CP: variants seen among roughly 807,000 people sequenced by gnomAD.
CP encodes the protein caeruloplasmin.
CP carries 64 observed loss-of-function variants against 122.4 expected under a neutral mutation model. The observed-to-expected ratio is 0.52, with a 90% CI of 0.43 to 0.64. The LOEUF (loss-of-function observed/expected upper bound fraction) is 0.64, where lower values mean the gene tolerates loss of function less well. Among genes scored for constraint, CP ranks in the 30% least tolerant of loss-of-function variants. The probability of loss-of-function intolerance (pLI) is 0.00; values close to 1 mark genes in which losing one functional copy is unlikely to be tolerated. For missense variants in CP, 1,167 were observed against 1,284.4 expected (o/e 0.91, Z 1.40); for synonymous variants, 440 against 436.4 (o/e 1.01, Z -0.10).
chr3:149,199,861 G>T lies in CP; in HGVS notation c.1352C>A (p.Pro451His). 6.2e-7 allele frequency: 1 copy of T among 1,613,990 alleles called. No homozygotes were observed. The highest frequency in any genetic ancestry group is 1.1e-5 in the South Asian group (1 of 91,070). The change falls in exon 8 of 19, where the codon CCT (proline) becomes CAT (histidine). Residue 451 changes from proline (P) to histidine (H), a missense_variant. Coordinates refer to ENST00000264613, the MANE Select transcript of CP (RefSeq NM_000096.4). ...GTCTCCCACCTCTGCCCAAATGACA[G>T]GACCTGGGAACAAAGAGAGAATTAT... ...PEEEHLGILGPVIWAEVGDTI... is the reference protein window; with the variant it reads ...PEEEHLGILGHVIWAEVGDTI...
At chr3:149,210,525 G>A in intron 2 of CP, 146 bp from the exon 3 acceptor site, 1 of 749,522 alleles carries the variant, frequency 1.3e-6, no homozygotes, top group Non-Finnish European at 2.3e-6. Flanking sequence ...TTGGACACAG[G>A]AAAATGAAAG....
chr3:149,187,235 C>T (rs763555252), intron 10 of CP, among the ~76,000 whole-genome samples: 3 of 152,016 alleles, frequency 2.0e-5, no homozygotes, highest in Non-Finnish European at 2.9e-5. Context: ...ATTCTCAATG[C>T]TTCCAAATAT....
chr3:149,184,118 C>T (rs35503313), intron 12 of CP, among the ~76,000 whole-genome samples: 21,362 of 135,608 alleles, frequency 0.16, 2,718 homozygotes, highest in African/African-American at 0.37. Context: ...TCACTGCAAG[C>T]TCTGCCTCCC....
In CP at chr3:149,206,331, G is replaced by C. The variant is rs1031057413; in HGVS notation, c.1045C>G (p.Gln349Glu). The C allele has an allele frequency of 1.2e-6, 2 of 1,613,816 alleles. No homozygotes were observed. The highest frequency in any genetic ancestry group is 1.7e-6 in the Non-Finnish European group (2 of 1,179,764). The change falls in exon 6 of 19, where the codon CAA becomes GAA. Residue 349 changes from glutamine to glutamate, a missense_variant. Physicochemically the swap from Gln to Glu is conservative, Grantham distance 29. This residue lies in a region of CP where 642 missense variants were observed against 627.3 expected (regional missense o/e 1.02). Transcript: ENST00000264613. The stretch of plus-strand genomic sequence containing the variant: ...CACTCCTGGACCTGGAAAAAGGCTT[G>C]CAAACCGGCTGAAATGAAACAGAAA... ...QNLNHLKAGL[Q>E]AFFQVQECNK...
intron 9 of CP, among the ~76,000 whole-genome samples, chr3:149,193,706 T>C (rs1245601239): frequency 6.6e-6 from 1 of 152,256 alleles, no homozygotes; most frequent in African/African-American, 2.4e-5. Flanking sequence ...CCATTCCTTG[T>C]CAGCTTAATA....
chr3:149,209,350 G>A lies in CP; in HGVS notation c.642C>T (p.Asp214=), dbSNP rs761003974. ...CAGAAAACATCACCACAAATTCTCG[G>A]TCAATATGTTTTTCTTTTTCTTTAT... ...SLDKEKEKHI[D]REFVVMFSVV... Residue 214 remains aspartate (D), a synonymous_variant, in exon 4 of 19, where the codon GAC becomes GAT. Transcript: ENST00000264613. 1.8e-5 allele frequency: 29 copies of A among 1,613,468 alleles called. No homozygotes were observed. The highest frequency in any genetic ancestry group is 4.4e-5 in the South Asian group (4 of 91,030).
intron 6 of CP, among the ~76,000 whole-genome samples, chr3:149,203,555 C>T (rs534245116): frequency 9.6e-4 from 147 of 152,340 alleles, no homozygotes; most frequent in Middle Eastern, 3.4e-3. Context: ...TGAGCCACGG[C>T]GCTTGGCCAG....
At position 149,193,006 on chromosome 3, in the gene CP, G is replaced by T. The variant is rs1001175369; in HGVS notation, c.1714-4804C>A. 3.9e-5 allele frequency among the ~76,000 whole-genome samples: 5 copies of T among 127,514 alleles called. No homozygotes were observed. In the Admixed American group the frequency reaches 4.1e-4, roughly 10 times the overall value. The allele number at this position is 127,514 out of a possible 152,430, so 83.7% of individuals were successfully genotyped here. A position where few individuals can be genotyped will look rare whatever the true frequency, so the allele number is the denominator to read the frequency against. On this transcript the variant is annotated intron_variant, in intron 9 of 18. Transcript: ENST00000264613. Reference sequence around the variant, plus strand: ...TACACACACACACACACACACACACGCATACACTCCAGAAAAGAAATTTCT... The same window carrying T: ...TACACACACACACACACACACACACTCATACACTCCAGAAAAGAAATTTCT...
intron 2 of CP, among the ~76,000 whole-genome samples, chr3:149,212,102 G>T (rs898610362): frequency 6.6e-6 from 1 of 151,770 alleles, no homozygotes; most frequent in Non-Finnish European, 1.5e-5. Context: ...GACCATCCTG[G>T]CTAACACGGT....
At chr3:149,194,210 A>G (rs971324258) in intron 9 of CP, among the ~76,000 whole-genome samples, 12 of 151,572 alleles carry the variant, frequency 7.9e-5, no homozygotes, top group African/African-American at 2.7e-4. Flanking sequence ...TTTTTTTTCA[A>G]TTACATATTT....
chr3:149,186,305 C>T (rs1726167768), intron 11 of CP: 1 of 591,060 alleles, frequency 1.7e-6, no homozygotes, highest in Non-Finnish European at 3.0e-6. Flanking sequence ...ACACCATGTT[C>T]TTTTACTCCA....
rs538960390 is a variant in CP, at chr3:149,197,254, G to C, written c.1713+1113C>G. ...TTTGGTGGTCTCTTCACATGGACGCGCATGAAAGTCATACTCTTTCTATAT... is the reference window on the plus strand; with the variant it reads ...TTTGGTGGTCTCTTCACATGGACGCCCATGAAAGTCATACTCTTTCTATAT... On this transcript the variant is annotated intron_variant, in intron 9 of 18. Coordinates refer to ENST00000264613, the MANE Select transcript of CP (RefSeq NM_000096.4). Among the ~76,000 whole-genome samples, 6 of 152,180 alleles carry C rather than the reference G, an allele frequency of 3.9e-5. 1 individual carries two copies. The highest frequency in any genetic ancestry group is 1.3e-4 in the Admixed American group (2 of 15,300).
At chr3:149,171,814 C>T (rs1428851527), downstream of CP, among the ~76,000 whole-genome samples, 2 of 150,758 alleles carry the variant, frequency 1.3e-5, no homozygotes, top group African/African-American at 2.5e-5. Context: ...AAGCAATTCT[C>T]CCGCCTCAGC....
At chr3:149,185,138 G>T in intron 12 of CP, 101 bp downstream of exon 12, 1 of 1,047,614 alleles carries the variant, frequency 9.5e-7, no homozygotes, top group Non-Finnish European at 1.4e-6. Context: ...ATTGTTTAAT[G>T]CAACTTTTTT....
intron 9 of CP, among the ~76,000 whole-genome samples, chr3:149,189,643 C>G (rs75052959): frequency 0.023 from 3,434 of 151,160 alleles, 46 homozygotes; most frequent in Middle Eastern, 0.052. Context: ...GATGAAGTAG[C>G]ATTTATCTTT....
At chr3:149,174,316 C>T (rs1406210737) in intron 18 of CP, among the ~76,000 whole-genome samples, 1 of 152,144 alleles carries the variant, frequency 6.6e-6, no homozygotes, top group Non-Finnish European at 1.5e-5. Flanking sequence ...GTTTTTAAAT[C>T]ATTGTTGCTT....
rs1464657552 is a variant in CP at position 149,198,549 on chromosome 3, G to C, written c.1531C>G (p.Pro511Ala). ...SVPPSASHVA[P>A]TETFTYEWTV... is the part of the protein sequence containing the mutation. ...CATTCATAGGTGAATGTTTCTGTGG[G>C]TGCCACATGGGAGGCTGAAGGAGGC... The change falls in exon 9 of 19, where the codon CCC (proline) becomes GCC (alanine). Residue 511 changes from proline to alanine, a missense_variant. Pro to Ala is a conservative substitution (Grantham distance 27). Transcript: ENST00000264613. 6.2e-7 allele frequency: 1 copy of C among 1,614,044 alleles called. No homozygotes were observed. Among genetic ancestry groups the C allele is most frequent in the Non-Finnish European group, 8.5e-7 (1 of 1,179,962 alleles).
intron 6 of CP, among the ~76,000 whole-genome samples, chr3:149,203,839 C>T (rs115460128): frequency 0.014 from 2,083 of 152,158 alleles, 47 homozygotes; most frequent in African/African-American, 0.046. Flanking sequence ...GGCCATGAAC[C>T]CATCAATATA....
At chr3:149,162,872 G>C (rs769105869) in exon 6 of CP, 2 of 1,612,714 alleles carry the variant, frequency 1.2e-6, no homozygotes, top group Non-Finnish European at 1.7e-6. Context: ...GAACATCGGA[G>C]GATCTGGTAA....
Sources: allele counts gnomAD v4.1 joint callset (sites outside exome capture counted in the v4.1 genomes callset), GRCh38; gene constraint gnomAD v4.1.1; regional missense constraint gnomAD v4.1.1; transcripts MANE v1.5; gene names NCBI Gene and HGNC (gene_info 2026-07-23, HGNC 2026-07-21).